CAMK1D: variants seen among roughly 807,000 people sequenced by gnomAD.
CAMK1D encodes the protein calcium/calmodulin dependent protein kinase ID.
Under a neutral mutation model 47.7 loss-of-function variants are expected in CAMK1D, and 9 were observed. The observed-to-expected ratio is 0.19, with a 90% confidence interval of 0.11 to 0.33. CAMK1D has a LOEUF of 0.33. CAMK1D is among the 10% of genes least tolerant of loss of function. The pLI is 1.00. For synonymous variants in CAMK1D, 184 were observed against 184.9 expected (o/e 0.99, Z 0.04); for missense variants, 291 against 488.7 (o/e 0.60, Z 3.81).
intron 1 of CAMK1D, among the ~76,000 whole-genome samples, chr10:12,507,939 T>C (rs1158989523): frequency 6.6e-6 from 1 of 152,184 alleles, no homozygotes; most frequent in Non-Finnish European, 1.5e-5. Context: ...TCTACACACT[T>C]TCCAGGCCAC....
intron 1 of CAMK1D, among the ~76,000 whole-genome samples, chr10:12,549,907 C>T (rs769690004): frequency 3.9e-5 from 6 of 152,158 alleles, no homozygotes; most frequent in Admixed American, 2.6e-4. Context: ...CTGAGTCCTG[C>T]GGCAACCTCG....
rs1834386375 is a variant in CAMK1D, at chr10:12,721,740, C to T, written c.300-39208C>T. Among the ~76,000 whole-genome samples, 3 of 152,282 alleles carry T rather than the reference C, an allele frequency of 2.0e-5. No homozygotes were observed. The South Asian group carries it at 6.2e-4, about 32-fold the overall frequency. ...CCTCCAGATAGTAGTCATTAGGCCA[C>T]ATGGCTCGATGGGAAATGACTAGGG... On this transcript the variant is annotated intron_variant, in intron 3 of 10. Transcript: ENST00000619168.
chr10:12,725,560 C>T (rs1834588091), intron 3 of CAMK1D, among the ~76,000 whole-genome samples: 1 of 152,152 alleles, frequency 6.6e-6, no homozygotes, highest in African/African-American at 2.4e-5. Context: ...TAACAGCTTT[C>T]TTAAAAAGTC....
chr10:12,515,227 G>C (rs1371773387), intron 1 of CAMK1D, among the ~76,000 whole-genome samples: 1 of 151,838 alleles, frequency 6.6e-6, no homozygotes, highest in Non-Finnish European at 1.5e-5. Flanking sequence ...ACGGTGTGCA[G>C]TCTGAATTCT....
chr10:12,724,969 A>G (rs1259216084), intron 3 of CAMK1D, among the ~76,000 whole-genome samples: 6 of 152,182 alleles, frequency 3.9e-5, no homozygotes, highest in Non-Finnish European at 7.3e-5. Flanking sequence ...GAAAAAAGGC[A>G]CGTTTCTTTC....
At chr10:12,639,759 T>A (rs1036963095) in intron 2 of CAMK1D, among the ~76,000 whole-genome samples, 2 of 152,244 alleles carry the variant, frequency 1.3e-5, no homozygotes, top group Non-Finnish European at 2.9e-5. Flanking sequence ...TGCTTGATAA[T>A]GTAAGCCCTT....
intron 2 of CAMK1D, among the ~76,000 whole-genome samples, chr10:12,562,259 C>T (rs1381092334): frequency 2.0e-5 from 3 of 152,172 alleles, no homozygotes; most frequent in African/African-American, 4.8e-5. Context: ...TTAAAACAAC[C>T]TGCTCTTGTT....
At chr10:12,554,794 G>C (rs554394958) in intron 2 of CAMK1D, among the ~76,000 whole-genome samples, 1 of 151,916 alleles carries the variant, frequency 6.6e-6, no homozygotes, top group South Asian at 2.1e-4. Context: ...TCCTCCTACC[G>C]CAGCCTCCCA....
At chr10:12,729,956 C>G (rs1249733186) in intron 3 of CAMK1D, among the ~76,000 whole-genome samples, 1 of 152,150 alleles carries the variant, frequency 6.6e-6, no homozygotes, top group African/African-American at 2.4e-5. Flanking sequence ...TTAGGCTCCC[C>G]AGGACTCCTG....
At position 12,527,379 on chromosome 10, in the gene CAMK1D, G is replaced by T. The variant is rs1422052994; in HGVS notation, c.93-25846G>T. On this transcript the variant is annotated intron_variant, in intron 1 of 10. Coordinates refer to ENST00000619168, the MANE Select transcript of CAMK1D (RefSeq NM_153498.4). ...TTTTTTTTTTTTTTTTTTTGAGAGG[G>T]AGTGTCGCTCTGTTGCCCAGGCTGG... Among the ~76,000 whole-genome samples, 3 of 145,114 alleles carry T rather than the reference G, an allele frequency of 2.1e-5. No homozygotes were observed. The Admixed American group carries it at 2.1e-4, about 10-fold the overall frequency.
At chr10:12,823,037 G>A (rs1205563431) in intron 8 of CAMK1D, among the ~76,000 whole-genome samples, 1 of 152,148 alleles carries the variant, frequency 6.6e-6, no homozygotes, top group African/African-American at 2.4e-5. Context: ...TCTAAACTTA[G>A]GCCAGCCTGG....
chr10:12,586,663 C>T (rs1184779067), intron 2 of CAMK1D, among the ~76,000 whole-genome samples: 1 of 152,116 alleles, frequency 6.6e-6, no homozygotes, highest in Non-Finnish European at 1.5e-5. Context: ...AGAACCGCCA[C>T]CCTCCTGCTG....
intron 1 of CAMK1D, among the ~76,000 whole-genome samples, chr10:12,370,784 C>T (rs1490753737): frequency 1.3e-5 from 2 of 152,008 alleles, no homozygotes; most frequent in African/African-American, 2.4e-5. Context: ...AATTTTTGTA[C>T]TTTAGTAGAG....
At chr10:12,632,121 A>G (rs1839397972) in intron 2 of CAMK1D, among the ~76,000 whole-genome samples, 1 of 152,272 alleles carries the variant, frequency 6.6e-6, no homozygotes, top group South Asian at 2.1e-4. Context: ...GTCTCATTCA[A>G]CTCACTACAG....
At position 12,582,903 on chromosome 10, in the gene CAMK1D, T is replaced by G. The variant is rs75478915; in HGVS notation, c.224+29547T>G. On this transcript the variant is annotated intron_variant, in intron 2 of 10. Transcript: ENST00000619168. The stretch of plus-strand genomic sequence containing the variant: ...CTGAGCTAGGATCAGCACATGGTAG[T>G]CCAGGACGCAGAAGTCCTAGATGAA... 5.7e-3 allele frequency among the ~76,000 whole-genome samples: 872 copies of G among 152,272 alleles called. 11 individuals carry two copies. Among genetic ancestry groups the G allele is most frequent in the African/African-American group, 0.02 (841 of 41,552 alleles).
intron 5 of CAMK1D, among the ~76,000 whole-genome samples, chr10:12,770,443 T>C (rs1346117998): frequency 1.3e-5 from 2 of 152,230 alleles, no homozygotes; most frequent in East Asian, 3.8e-4. Flanking sequence ...TACTTGTGAT[T>C]GTTCTGAGAC....
intron 1 of CAMK1D, among the ~76,000 whole-genome samples, chr10:12,445,061 C>T (rs1293278948): frequency 6.6e-6 from 1 of 152,210 alleles, no homozygotes; most frequent in Non-Finnish European, 1.5e-5. Context: ...CTATCTGTCA[C>T]ATGATGCTAT....
intron 2 of CAMK1D, among the ~76,000 whole-genome samples, chr10:12,663,854 A>G (rs1434500662): frequency 1.3e-5 from 2 of 152,138 alleles, no homozygotes; most frequent in South Asian, 2.1e-4. Context: ...CTTTACGTTC[A>G]GATTTTGCAC....
chr10:12,551,181 C>T (rs547809393), intron 1 of CAMK1D, among the ~76,000 whole-genome samples: 1 of 152,370 alleles, frequency 6.6e-6, no homozygotes, highest in South Asian at 2.1e-4. Context: ...CTTACAGCCA[C>T]TCCCCATTGT....
Sources: gnomAD v4.1 joint callset for allele counts (sites outside exome capture counted in the v4.1 genomes callset) on GRCh38, gnomAD v4.1.1 for gene constraint, MANE v1.5 for transcripts, NCBI Gene and HGNC (gene_info 2026-07-23, HGNC 2026-07-21) for gene names.